ANO4: variants seen among roughly 807,000 people sequenced by gnomAD.
ANO4 encodes the protein anoctamin-4.
ANO4 carries 69 observed loss-of-function variants against 141.9 expected under a neutral mutation model. The ratio of observed to expected loss-of-function variants is 0.49; its 90% confidence interval spans 0.40 to 0.59. The LOEUF is 0.59. ANO4 is among the 20% of genes least tolerant of loss of function. The pLI is 0.00. For synonymous variants in ANO4, 350 were observed against 394.3 expected, an observed-to-expected ratio of 0.89 and a Z score of 1.33; for missense variants, 894 against 1,162.2, an observed-to-expected ratio of 0.77 and a Z score of 3.36.
At chr12:100,719,273 C>T (rs925821006) in intron 1 of ANO4, among the ~76,000 whole-genome samples, 1 of 152,184 alleles carries the variant, frequency 6.6e-6, no homozygotes, top group Non-Finnish European at 1.5e-5. Flanking sequence ...GCCACAAATT[C>T]CACGTTAATT....
chr12:101,101,453 T>C (rs1221430999), intron 22 of ANO4, among the ~76,000 whole-genome samples: 1 of 152,108 alleles, frequency 6.6e-6, no homozygotes, highest in African/African-American at 2.4e-5. Flanking sequence ...CCCTCATCTT[T>C]CCTTAGTCAT....
intron 1 of ANO4, among the ~76,000 whole-genome samples, chr12:100,841,881 T>C (rs147239032): frequency 3.3e-5 from 5 of 152,232 alleles, no homozygotes; most frequent in East Asian, 3.9e-4. Flanking sequence ...AATGCAGAAG[T>C]TGGATGCATC....
At chr12:100,898,207 A>AT (rs945261736) in intron 1 of ANO4, among the ~76,000 whole-genome samples, 4 of 151,600 alleles carry the variant, frequency 2.6e-5, no homozygotes, top group African/African-American at 7.3e-5. Context: ...AGTGTCAACA[A>AT]TTTTTTTTTA....
intron 1 of ANO4, among the ~76,000 whole-genome samples, chr12:100,875,720 C>T (rs952652652): frequency 6.6e-6 from 1 of 152,158 alleles, no homozygotes; most frequent in African/African-American, 2.4e-5. Context: ...ATAGGATTTG[C>T]TGATGGACTG....
At chr12:100,824,776 T>G (rs2036242251) in intron 1 of ANO4, among the ~76,000 whole-genome samples, 1 of 152,046 alleles carries the variant, frequency 6.6e-6, no homozygotes, top group Admixed American at 6.6e-5. Context: ...ACCGGAAAAT[T>G]TAAGTTGTCA....
intron 12 of ANO4, among the ~76,000 whole-genome samples, 155 bp downstream of exon 12, chr12:101,042,623 C>T (rs1203842128): frequency 6.6e-6 from 1 of 152,162 alleles, no homozygotes; most frequent in African/African-American, 2.4e-5. Context: ...TCACTAGGAC[C>T]TCTCCATCCA....
intron 1 of ANO4, among the ~76,000 whole-genome samples, chr12:100,890,739 C>A (rs1350907447): frequency 6.6e-6 from 1 of 152,160 alleles, no homozygotes; most frequent in African/African-American, 2.4e-5. Context: ...CTATTATGAC[C>A]TTCCCACACC....
chr12:101,021,370 G>A (rs1286106379), intron 9 of ANO4, among the ~76,000 whole-genome samples: 1 of 152,214 alleles, frequency 6.6e-6, no homozygotes, highest in Non-Finnish European at 1.5e-5. Flanking sequence ...GAAGCCTGCT[G>A]AGATATCATA....
At chr12:101,037,435 AT>A (rs2047243180) in intron 10 of ANO4, among the ~76,000 whole-genome samples, 1 of 152,258 alleles carries the variant, frequency 6.6e-6, no homozygotes, top group Non-Finnish European at 1.5e-5. Context: ...TTAAAAAGGC[AT>A]TGACAATTTG....
intron 17 of ANO4, among the ~76,000 whole-genome samples, chr12:101,088,889 A>T (rs1031877304): frequency 7.0e-6 from 1 of 143,526 alleles, no homozygotes; most frequent in Admixed American, 7.0e-5. Flanking sequence ...ACCTGTAAAA[A>T]ATTAAAAAAA....
Position 100,780,400 on chromosome 12 carries a change from C to T in ANO4, c.358+40295C>T, listed in dbSNP as rs544859499. 1.6e-4 allele frequency among the ~76,000 whole-genome samples: 24 copies of T among 152,288 alleles called. No individual in the cohort carries two copies. The East Asian group carries it at 3.9e-3, about 24-fold the overall frequency. ...ATAGACAGAGTAGCAGCCAATAGCA[C>T]TCGTGGATTGCTGGCTAGCTGTATT... On this transcript the variant is annotated intron_variant, in intron 3 of 29. Transcript: ENST00000644049.
At chr12:100,929,095 A>G (rs1203776440) in intron 3 of ANO4, among the ~76,000 whole-genome samples, 2 of 152,100 alleles carry the variant, frequency 1.3e-5, no homozygotes, top group Non-Finnish European at 2.9e-5. Flanking sequence ...CCACCACCTC[A>G]AACATCCATT....
At chr12:100,966,169 T>A (rs113212611) in intron 5 of ANO4, among the ~76,000 whole-genome samples, 6 of 152,278 alleles carry the variant, frequency 3.9e-5, no homozygotes, top group South Asian at 4.1e-4. Context: ...AGGTTATAAT[T>A]TGAGTGAGTA....
At chr12:100,829,803 T>C (rs1390305621) in intron 1 of ANO4, among the ~76,000 whole-genome samples, 6 of 152,090 alleles carry the variant, frequency 3.9e-5, no homozygotes, top group Admixed American at 3.3e-4. Flanking sequence ...GCTTGATAAA[T>C]GCCAAGACCT....
chr12:101,086,954 C>T (rs1399406869), intron 17 of ANO4, 130 bp downstream of exon 17: 16 of 1,062,386 alleles, frequency 1.5e-5, no homozygotes, highest in Non-Finnish European at 2.0e-5. Flanking sequence ...GTCCTGGCAG[C>T]GAAGTGCCTG....
chr12:101,012,876 G>A (rs1230203716), intron 8 of ANO4, among the ~76,000 whole-genome samples: 1 of 152,116 alleles, frequency 6.6e-6, no homozygotes, highest in Non-Finnish European at 1.5e-5. Flanking sequence ...TTGATGGATT[G>A]GATGTTGGGC....
intron 1 of ANO4, chr12:100,717,640 C>T: frequency 7.5e-6 from 3 of 398,096 alleles, no homozygotes; most frequent in Admixed American, 4.4e-5. Flanking sequence ...TCGGGGTTCG[C>T]CTCTGCGGAG....
intron 8 of ANO4, among the ~76,000 whole-genome samples, chr12:100,994,630 C>T (rs915648000): frequency 3.3e-5 from 5 of 152,120 alleles, no homozygotes; most frequent in African/African-American, 1.2e-4. Flanking sequence ...TTTTTGTAAA[C>T]ACCCATAAAA....
rs572341800 is a variant in ANO4, at chr12:101,089,928, G to A, written c.1701+3104G>A. Reference sequence around the variant, plus strand: ...AAAAAACAAACAACCCCATCAAAAAGTGAGCAAAGGATATGAACAGACACT... The same window carrying A: ...AAAAAACAAACAACCCCATCAAAAAATGAGCAAAGGATATGAACAGACACT... On this transcript the variant is annotated intron_variant, in intron 17 of 27. Coordinates refer to ENST00000392977, the MANE Select transcript of ANO4 (RefSeq NM_001286615.2). Among the ~76,000 whole-genome samples the A allele has an allele frequency of 1.9e-3, 282 of 152,248 alleles. 4 individuals carry two copies. Among genetic ancestry groups the A allele is most frequent in the African/African-American group, 6.5e-3 (269 of 41,540 alleles).
Sources: gnomAD v4.1 joint callset for allele counts (sites outside exome capture counted in the v4.1 genomes callset) on GRCh38, gnomAD v4.1.1 for gene constraint, MANE v1.5 for transcripts, NCBI Gene and HGNC (gene_info 2026-07-23, HGNC 2026-07-21) for gene names.